SNX2: variants seen among roughly 807,000 people sequenced by gnomAD.
The protein encoded by SNX2 is sorting nexin 2, also known as sorting nexin-2.
Under a neutral mutation model 69.9 loss-of-function variants are expected in SNX2, and 25 were observed. That is an observed-to-expected ratio of 0.36 (90% CI 0.26 to 0.50). The LOEUF is 0.50. SNX2 is among the 20% of genes least tolerant of loss of function. The probability of loss-of-function intolerance (pLI) is 0.97; values close to 1 mark genes in which losing one functional copy is unlikely to be tolerated. For synonymous variants in SNX2, 229 were observed against 200.4 expected, an observed-to-expected ratio of 1.14 and a Z score of -1.20; for missense variants, 551 against 613.3, an observed-to-expected ratio of 0.90 and a Z score of 1.07.
At chr5:122,808,765 A>G (rs114863883) in intron 7 of SNX2, 2,691 of 158,422 alleles carry the variant, frequency 0.017, 37 homozygotes, top group Non-Finnish European at 0.025. Context: ...TTGGATGCAA[A>G]TAATCCCACT....
chr5:122,822,003 C>A (rs1754036783), intron 11 of SNX2, among the ~76,000 whole-genome samples: 1 of 152,174 alleles, frequency 6.6e-6, no homozygotes, highest in Admixed American at 6.5e-5. Context: ...TTTTTACTAG[C>A]ACCCAAGAAT....
At chr5:122,817,808 G>A (rs1293029854) in intron 10 of SNX2, among the ~76,000 whole-genome samples, 1 of 151,966 alleles carries the variant, frequency 6.6e-6, no homozygotes, top group Non-Finnish European at 1.5e-5. Context: ...TATTTGTTTT[G>A]TGTGTCTATT....
chr5:122,816,550 C>T (rs1753904044), intron 8 of SNX2, among the ~76,000 whole-genome samples: 2 of 152,122 alleles, frequency 1.3e-5, no homozygotes, highest in South Asian at 2.1e-4. Context: ...AGATTTTTCT[C>T]AAGACTTTCT....
chr5:122,803,103 AG>A (rs981677028), intron 5 of SNX2, among the ~76,000 whole-genome samples: 1 of 152,218 alleles, frequency 6.6e-6, no homozygotes, highest in Non-Finnish European at 1.5e-5. Context: ...ATGTTCCAGC[AG>A]GGGGAAATAG....
intron 1 of SNX2, among the ~76,000 whole-genome samples, chr5:122,790,942 T>C (rs1404247537): frequency 1.3e-5 from 2 of 152,194 alleles, no homozygotes; most frequent in Non-Finnish European, 2.9e-5. Flanking sequence ...TTGTTCCTGA[T>C]CTTACTGGGG....
chr5:122,803,678 AT>A, intron 6 of SNX2, 65 bp downstream of exon 6: 1 of 1,276,356 alleles, frequency 7.8e-7, no homozygotes, highest in South Asian at 1.6e-5. Context: ...AACTGTATAG[AT>A]TTGTGGATTT....
At chr5:122,817,594 T>C (rs143279080) in intron 10 of SNX2, among the ~76,000 whole-genome samples, 2,263 of 152,212 alleles carry the variant, frequency 0.015, 21 homozygotes, top group Non-Finnish European at 0.019. Context: ...TAGAAAATTA[T>C]TTGTTAACTG....
intron 1 of SNX2, among the ~76,000 whole-genome samples, chr5:122,789,578 T>A (rs1179115596): frequency 6.6e-6 from 1 of 152,056 alleles, no homozygotes; most frequent in Non-Finnish European, 1.5e-5. Context: ...GTAGTGCAGC[T>A]CCATGCCTGG....
intron 7 of SNX2, among the ~76,000 whole-genome samples, chr5:122,810,973 TA>T (rs1753762918): frequency 6.6e-6 from 1 of 152,232 alleles, no homozygotes; most frequent in South Asian, 2.1e-4. Flanking sequence ...TACAGGATTC[TA>T]AAACTGCATT....
At position 122,775,080 on chromosome 5, in the gene SNX2, G is replaced by C. The variant is rs909085353; in HGVS notation, c.-24G>C. The C allele has an allele frequency of 1.3e-6, 2 of 1,565,482 alleles. No individual in the cohort carries two copies. The highest frequency in any genetic ancestry group is 2.7e-5 in the African/African-American group (2 of 74,222). ...GTGACGGGTCCGCGAGGCCCAGCTC[G>C]CGCAGTCGTTCGGGTGAGCGAAGAT... On this transcript the variant is annotated 5_prime_UTR_variant, in exon 1 of 15. Transcript: ENST00000379516.
chr5:122,829,733 AAT>A lies in SNX2; in HGVS notation c.*87_*88del. Reference sequence around the variant, plus strand: ...CAGTGAAATCATTTAAAACCATCTAAATAAACCACTATATATTTTATGAATTA... The same window carrying A: ...CAGTGAAATCATTTAAAACCATCTAAAAACCACTATATATTTTATGAATTA... On this transcript the variant is annotated 3_prime_UTR_variant, in exon 15 of 15. Transcript: ENST00000379516. 9.8e-7 allele frequency: 1 copy of A among 1,020,370 alleles called. No homozygotes were observed. The highest frequency in any genetic ancestry group is 1.5e-6 in the Non-Finnish European group (1 of 647,194). The allele number at this position is 1,020,370 out of a possible 1,614,324, so 63.2% of individuals were successfully genotyped here.
At position 122,830,872 on chromosome 5, in the gene SNX2, G is replaced by C. The variant is rs1754270632; in HGVS notation, c.*1224G>C. 2.0e-5 allele frequency among the ~76,000 whole-genome samples: 3 copies of C among 152,058 alleles called. No homozygotes were observed. The highest frequency in any genetic ancestry group is 4.4e-5 in the Non-Finnish European group (3 of 68,024). On this transcript the variant is annotated 3_prime_UTR_variant, in exon 15 of 15. Coordinates refer to ENST00000379516, the MANE Select transcript of SNX2 (RefSeq NM_003100.4). The stretch of plus-strand genomic sequence containing the variant: ...AAAAATACAAAAATTCGCCTGGTGT[G>C]GTGGGGTGTGCTTGTGGTCCCAGCT...
intron 1 of SNX2, among the ~76,000 whole-genome samples, chr5:122,777,298 C>T (rs947392548): frequency 4.6e-5 from 7 of 152,226 alleles, no homozygotes; most frequent in East Asian, 1.9e-4. Context: ...AGTGCAAATT[C>T]GGATTCTGTA....
chr5:122,795,553 G>A (rs1041884256), intron 2 of SNX2, 170 bp downstream of exon 2: 1 of 581,168 alleles, frequency 1.7e-6, no homozygotes, highest in Non-Finnish European at 3.0e-6. Context: ...GAAAAATGTG[G>A]ACTGTCCAGA....
At chr5:122,828,298 G>A (rs950135058) in intron 14 of SNX2, among the ~76,000 whole-genome samples, 1 of 151,960 alleles carries the variant, frequency 6.6e-6, no homozygotes, top group Non-Finnish European at 1.5e-5. Context: ...GGTTGTTTTT[G>A]AATTAAGTGG....
chr5:122,782,037 A>G (rs1315090053), intron 1 of SNX2, among the ~76,000 whole-genome samples: 1 of 152,170 alleles, frequency 6.6e-6, no homozygotes, highest in African/African-American at 2.4e-5. Flanking sequence ...AAAAATCTGG[A>G]TCTTCTCCTC....
chr5:122,829,791 C>T lies in SNX2; in HGVS notation c.*143C>T, dbSNP rs1754243396. ...GGTTTTATATACACACACACACACACACACACACACACACACACACTCTGA... is the reference window on the plus strand; with the variant it reads ...GGTTTTATATACACACACACACACATACACACACACACACACACACTCTGA... On this transcript the variant is annotated 3_prime_UTR_variant, in exon 15 of 15. Coordinates refer to ENST00000379516, the MANE Select transcript of SNX2 (RefSeq NM_003100.4). The T allele has an allele frequency of 9.5e-6, 5 of 528,302 alleles. No individual in the cohort carries two copies. The highest frequency in any genetic ancestry group is 8.0e-5 in the East Asian group (2 of 24,870). 32.7% of individuals were successfully genotyped at this position (528,302 alleles called of 1,614,324 possible). A position where few individuals can be genotyped will look rare whatever the true frequency, so the allele number is the denominator to read the frequency against.
rs141328598 is a variant in SNX2, at chr5:122,809,976, A to G, written c.722+1621A>G. Reference sequence around the variant, plus strand: ...AGAGGTCATAGACTGAATATTTTTAAGAATAAAGGTAAATCGGATGGTTGC... The same window carrying G: ...AGAGGTCATAGACTGAATATTTTTAGGAATAAAGGTAAATCGGATGGTTGC... On this transcript the variant is annotated intron_variant, in intron 7 of 14. Transcript: ENST00000379516. Among the ~76,000 whole-genome samples, 380 of 152,290 alleles carry G rather than the reference A, an allele frequency of 2.5e-3. 1 individual carries two copies. The highest frequency in any genetic ancestry group is 2.0e-3 in the Non-Finnish European group (134 of 68,020).
chr5:122,795,451 T>C (rs1753356322), intron 2 of SNX2, 68 bp downstream of exon 2: 3 of 1,093,634 alleles, frequency 2.7e-6, no homozygotes, highest in East Asian at 4.8e-5. Context: ...ATAGAAAATA[T>C]CTAAAACAAA....
Sources: allele counts gnomAD v4.1 joint callset (sites outside exome capture counted in the v4.1 genomes callset), GRCh38; gene constraint gnomAD v4.1.1; transcripts MANE v1.5; gene names NCBI Gene and HGNC (gene_info 2026-07-23, HGNC 2026-07-21).